The following HECW1 variants were observed in gnomAD, a reference collection of about 807,000 sequenced individuals.
HECW1 encodes the protein HECT, C2 and WW domain containing E3 ubiquitin protein ligase 1, also known as E3 ubiquitin-protein ligase HECW1.
Under a neutral mutation model 182.3 loss-of-function variants are expected in HECW1, and 61 were observed. That is an observed-to-expected ratio of 0.33 (90% CI 0.27 to 0.41). The LOEUF is 0.41. Ranked by LOEUF, HECW1 falls within the 10% of genes least tolerant of loss-of-function variation. HECW1 has a pLI of 1.00. For synonymous variants in HECW1, 859 were observed against 832.6 expected, an observed-to-expected ratio of 1.03 and a Z score of -0.55; for missense variants, 1,739 against 2,108.9, an observed-to-expected ratio of 0.82 and a Z score of 3.44.
chr7:43,257,816 A>G (rs1035704022), intron 3 of HECW1, among the ~76,000 whole-genome samples: 2 of 151,814 alleles, frequency 1.3e-5, no homozygotes, highest in Non-Finnish European at 2.9e-5. Flanking sequence ...TTGCCTCTCT[A>G]TGTCTTAATT....
chr7:43,494,238 C>T (rs929662540), intron 19 of HECW1, among the ~76,000 whole-genome samples: 2 of 152,088 alleles, frequency 1.3e-5, no homozygotes, highest in Non-Finnish European at 2.9e-5. Context: ...TGTCCCTGAT[C>T]TCCTCTCCTC....
chr7:43,144,734 C>T (rs536314878), intron 2 of HECW1, among the ~76,000 whole-genome samples: 1 of 152,168 alleles, frequency 6.6e-6, no homozygotes, highest in South Asian at 2.1e-4. Context: ...ACAAAATACT[C>T]CAGACTCATC....
rs1159835609 is a variant in HECW1, at chr7:43,432,330, G to A, written c.802-5673G>A. On this transcript the variant is annotated intron_variant, in intron 8 of 29. Transcript: ENST00000395891. This position sits in a 1 kb window ranked among gnomAD's most constrained non-coding sequence, Gnocchi z 4.1. Reference sequence around the variant, plus strand: ...AATTTTTTGTATTTTTAGTAGAGACGGGGTTTCACCGTTTTAGCCGGGATG... The same window carrying A: ...AATTTTTTGTATTTTTAGTAGAGACAGGGTTTCACCGTTTTAGCCGGGATG... Among the ~76,000 whole-genome samples, 3 of 151,422 alleles carry A rather than the reference G, an allele frequency of 2.0e-5. No individual in the cohort carries two copies. The highest frequency in any genetic ancestry group is 4.2e-4 in the South Asian group (2 of 4,788).
At chr7:43,241,984 C>A (rs1798937979) in intron 2 of HECW1, among the ~76,000 whole-genome samples, 1 of 151,944 alleles carries the variant, frequency 6.6e-6, no homozygotes, top group African/African-American at 2.4e-5. Flanking sequence ...CTGACATCTC[C>A]AAGGAAGGGG....
intron 13 of HECW1, among the ~76,000 whole-genome samples, chr7:43,460,096 A>T (rs189043375): frequency 2.0e-5 from 3 of 152,284 alleles, no homozygotes; most frequent in Admixed American, 2.0e-4. Context: ...GTTTTTTGTC[A>T]CAAGGGCCTG....
intron 5 of HECW1, among the ~76,000 whole-genome samples, chr7:43,354,479 TAAAAC>T: frequency 6.6e-6 from 1 of 152,236 alleles, no homozygotes; most frequent in Non-Finnish European, 1.5e-5. Flanking sequence ...ATTTTAAAAA[TAAAAC>T]AAATCTTGGA....
chr7:43,478,627 G>C (rs1191982232), intron 16 of HECW1, among the ~76,000 whole-genome samples: 1 of 151,926 alleles, frequency 6.6e-6, no homozygotes, highest in African/African-American at 2.4e-5. Flanking sequence ...TATAGATCTT[G>C]ATGTGAAGAA....
intron 8 of HECW1, among the ~76,000 whole-genome samples, chr7:43,426,103 A>G (rs376497772): frequency 9.9e-5 from 15 of 152,282 alleles, no homozygotes; most frequent in African/African-American, 3.6e-4. Flanking sequence ...TGAGGAGGGT[A>G]TCTGGCCCCA....
At chr7:43,351,333 C>T (rs1186448390) in intron 5 of HECW1, among the ~76,000 whole-genome samples, 5 of 152,172 alleles carry the variant, frequency 3.3e-5, no homozygotes, top group African/African-American at 1.2e-4. Flanking sequence ...TATTTTTGTA[C>T]TGGTTGGCCT....
At chr7:43,462,439 C>T (rs1453488339) in intron 13 of HECW1, among the ~76,000 whole-genome samples, 1 of 151,700 alleles carries the variant, frequency 6.6e-6, no homozygotes, top group Non-Finnish European at 1.5e-5. Context: ...AAGATTGATC[C>T]CTGGGCCAGC....
In HECW1 at chr7:43,444,644, C is replaced by A. The variant is rs1253417582; in HGVS notation, c.1472C>A (p.Ala491Glu). Reference sequence around the variant, plus strand: ...AAGGAGGAGCCCTTGGAGGAGGAAGCAACGACCCAGAGCCGGGCTGGAAGG... The same window carrying A: ...AAGGAGGAGCCCTTGGAGGAGGAAGAAACGACCCAGAGCCGGGCTGGAAGG... Reference protein sequence around the residue: ...STKEEPLEEEATTQSRAGREE... With the variant: ...STKEEPLEEEETTQSRAGREE... Residue 491 changes from alanine to glutamate, a missense_variant, in exon 11 of 30, where the codon GCA becomes GAA. Ala to Glu is a moderately radical substitution (Grantham distance 107). This residue lies in a region of HECW1 where 971 missense variants were observed against 1,029.1 expected (regional missense o/e 0.94). Coordinates refer to ENST00000395891, the MANE Select transcript of HECW1 (RefSeq NM_015052.5). The surrounding 1 kb of genome is among the most constrained non-coding windows in gnomAD (Gnocchi z 4.3). The A allele has an allele frequency of 6.2e-7, 1 of 1,608,072 alleles. No individual in the cohort carries two copies. The highest frequency in any genetic ancestry group is 1.7e-5 in the Admixed American group (1 of 58,984).
In HECW1 at chr7:43,438,092, C is replaced by T. The variant is rs753768031; in HGVS notation, c.891C>T (p.Phe297=). 2 of 1,614,122 alleles carry T rather than the reference C, an allele frequency of 1.2e-6. No individual in the cohort carries two copies. Among genetic ancestry groups the T allele is most frequent in the Non-Finnish European group, 1.7e-6 (2 of 1,180,026 alleles). Residue 297 remains phenylalanine (F), a synonymous_variant, in exon 9 of 30, where the codon TTC becomes TTT. Transcript: ENST00000395891. ...FAKSRPIIKR[F]LGKLSMPVQR... is the part of the protein sequence containing the mutation. ...AGAGCCGCCCCATCATCAAGCGCTTCTTGGGAAAGCTGTCGATGCCCGTTC... is the reference window on the plus strand; with the variant it reads ...AGAGCCGCCCCATCATCAAGCGCTTTTTGGGAAAGCTGTCGATGCCCGTTC...
At chr7:43,118,642 A>C (rs1785277360) in intron 2 of HECW1, 1 of 152,206 alleles carries the variant, frequency 6.6e-6, no homozygotes. Flanking sequence ...TTGTGCCATC[A>C]AAACTTAAAA....
At position 43,507,145 on chromosome 7, in the gene HECW1, A is replaced by G. The variant is rs1350618423; in HGVS notation, c.3640A>G (p.Arg1214Gly). 11 of 1,613,674 alleles carry G rather than the reference A, an allele frequency of 6.8e-6. No homozygotes were observed. Among genetic ancestry groups the G allele is most frequent in the Non-Finnish European group, 9.3e-6 (11 of 1,179,760 alleles). Residue 1214 changes from arginine (R) to glycine (G), a missense_variant, in exon 22 of 30, where the codon AGA (arginine) becomes GGA (glycine). By Grantham distance (125) the Arg-to-Gly change is moderately radical (BLOSUM62 -2). Around this residue, in one of 5 missense-constraint regions of HECW1, gnomAD observed 420 missense variants for 595.7 expected, o/e 0.71. Transcript: ENST00000395891. ...SSPQNSPGLQ[R>G]ASARAPSPYR... ...TGTGCTTCTCTCTGCAGGTTTACAG[A>G]GAGCCAGTGCAAGAGCCCCTTCCCC...
intron 2 of HECW1, among the ~76,000 whole-genome samples, chr7:43,238,814 T>TACA (rs1798614177): frequency 6.6e-6 from 1 of 152,204 alleles, no homozygotes; most frequent in African/African-American, 2.4e-5. Context: ...TAAGAGGGTT[T>TACA]TTCTGTCATA....
chr7:43,550,591 G>C lies in HECW1; in HGVS notation c.4395G>C (p.Glu1465Asp). The C allele has an allele frequency of 6.3e-7, 1 of 1,595,498 alleles. No homozygotes were observed. Among genetic ancestry groups the C allele is most frequent in the East Asian group, 2.3e-5 (1 of 44,054 alleles). Residue 1465 changes from glutamate to aspartate, a missense_variant and splice_region_variant, in exon 27 of 30, where the codon GAG (glutamate) becomes GAC (aspartate). Physicochemically the swap from Glu to Asp is conservative, Grantham distance 45 (BLOSUM62 2). Coordinates refer to ENST00000395891, the MANE Select transcript of HECW1 (RefSeq NM_015052.5). ...AGGCGCTGGTGCGCGGCTTCTACGA[G>C]GTGAGGCCCGGTGGCCTGGGGAAGG... is the stretch of plus-strand genomic sequence containing the variant. ...QTEALVRGFYEVVDSRLVSVF... is the reference protein window; with the variant it reads ...QTEALVRGFYDVVDSRLVSVF...
At chr7:43,481,704 G>A (rs1262366234) in intron 17 of HECW1, among the ~76,000 whole-genome samples, 3 of 152,048 alleles carry the variant, frequency 2.0e-5, no homozygotes, top group Non-Finnish European at 4.4e-5. Flanking sequence ...ACTAGCTGGG[G>A]CCAGGTGTGA....
chr7:43,150,560 G>A (rs2152644031), intron 2 of HECW1, among the ~76,000 whole-genome samples: 1 of 152,242 alleles, frequency 6.6e-6, no homozygotes, highest in Admixed American at 6.5e-5. Flanking sequence ...TGTATTTTCA[G>A]TAAAGATGGG....
intron 5 of HECW1, among the ~76,000 whole-genome samples, chr7:43,326,616 G>A (rs766974319): frequency 3.9e-5 from 6 of 152,218 alleles, no homozygotes; most frequent in Non-Finnish European, 8.8e-5. Flanking sequence ...CTGTGAATTA[G>A]GAATTACAGG....
Sources: allele counts gnomAD v4.1 joint callset (sites outside exome capture counted in the v4.1 genomes callset), GRCh38; gene constraint gnomAD v4.1.1; regional missense constraint gnomAD v4.1.1; non-coding constraint Gnocchi (gnomAD v3.1); transcripts MANE v1.5; gene names NCBI Gene and HGNC (gene_info 2026-07-23, HGNC 2026-07-21).